The following HERC2 variants were observed in gnomAD, a reference collection of about 807,000 sequenced individuals.
The protein encoded by HERC2 is E3 ubiquitin-protein ligase HERC2.
HERC2 carries 102 observed loss-of-function variants against 537.7 expected under a neutral mutation model. That is an observed-to-expected ratio of 0.19 (90% confidence interval 0.16 to 0.22). The LOEUF (loss-of-function observed/expected upper bound fraction) is 0.22, where lower values mean the gene tolerates loss of function less well. Ranked by LOEUF, HERC2 falls within the 10% of genes least tolerant of loss-of-function variation. HERC2 has a pLI of 1.00. For synonymous variants in HERC2, 2,224 were observed against 2,466.2 expected (o/e 0.90, Z 2.91); for missense variants, 4,236 against 6,198.2 (o/e 0.68, Z 10.63).
intron 39 of HERC2, among the ~76,000 whole-genome samples, chr15:28,215,334 A>G (rs1327338384): frequency 6.6e-6 from 1 of 152,268 alleles, no homozygotes; most frequent in Admixed American, 6.5e-5. Context: ...TAATTTAAAA[A>G]GAATTATTTT....
rs1195449513 is a variant in HERC2 at position 28,212,557 on chromosome 15, G to A, written c.6813C>T (p.Asn2271=). 3 of 1,590,830 alleles carry A rather than the reference G, an allele frequency of 1.9e-6. No individual in the cohort carries two copies. The Admixed American group carries it at 5.0e-5, about 27-fold the overall frequency. ...KPLPAVAFNV[N]NLPFTEPMLS... Reference sequence around the variant, plus strand: ...GCATGGGCTCTGTGAAGGGCAGGTTGTTCACATTAAAGGCCACGGCAGGGA... The same window carrying A: ...GCATGGGCTCTGTGAAGGGCAGGTTATTCACATTAAAGGCCACGGCAGGGA... Residue 2271 remains asparagine (N), a synonymous_variant, in exon 43 of 93, where the codon AAC becomes AAT. Transcript: ENST00000261609.
intron 92 of HERC2, among the ~76,000 whole-genome samples, chr15:28,112,719 G>A (rs571516583): frequency 1.3e-5 from 2 of 152,184 alleles, no homozygotes; most frequent in East Asian, 1.9e-4. Flanking sequence ...TCAATCCAAC[G>A]AGCGGCCTCA....
In HERC2 at chr15:28,163,058, G is replaced by A. The variant is rs371488509; in HGVS notation, c.10746+36C>T. 54 of 1,556,322 alleles carry A rather than the reference G, an allele frequency of 3.5e-5. No individual in the cohort carries two copies. The African/African-American group carries it at 6.9e-4, about 20-fold the overall frequency. ...AGGAGGGTGGCCCAACATGGAGGAGGTGGAATCAGACGGCCCCGCCCTCCC... is the reference window on the plus strand; with the variant it reads ...AGGAGGGTGGCCCAACATGGAGGAGATGGAATCAGACGGCCCCGCCCTCCC... On this transcript the variant is annotated intron_variant, in intron 69 of 92. Transcript: ENST00000261609.
intron 7 of HERC2, 143 bp from the exon 8 acceptor site, chr15:28,273,147 TA>T: frequency 1.5e-6 from 1 of 667,986 alleles, no homozygotes; most frequent in Non-Finnish European, 2.7e-6. Context: ...TGATACTTGC[TA>T]CTCAAATTTA....
At position 28,163,211 on chromosome 15, in the gene HERC2, C is replaced by T. The variant is rs745706222; in HGVS notation, c.10629G>A (p.Ala3543=). The T allele has an allele frequency of 9.9e-6, 16 of 1,613,804 alleles. No homozygotes were observed. The highest frequency in any genetic ancestry group is 5.3e-5 in the African/African-American group (4 of 74,938). ...GGTCTACCACCACACGAGTGTCATCCGCAATCAGCAGACTGGTGAACTCAT... is the reference window on the plus strand; with the variant it reads ...GGTCTACCACCACACGAGTGTCATCTGCAATCAGCAGACTGGTGAACTCAT... The part of the protein sequence containing the change: ...ALDEFTSLLI[A]DDTRVVVDLL... The change falls in exon 69 of 93, where the codon GCG becomes GCA. Residue 3543 remains alanine (A), a synonymous_variant. Transcript: ENST00000261609.
At chr15:28,302,770 C>A (rs2076670455) in intron 2 of HERC2, among the ~76,000 whole-genome samples, 1 of 147,372 alleles carries the variant, frequency 6.8e-6, no homozygotes. Flanking sequence ...ATGTTGAGCA[C>A]CTGTTCGTAC....
chr15:28,144,129 G>A lies in HERC2; in HGVS notation c.11247C>T (p.Ile3749=), dbSNP rs1483449103. The A allele has an allele frequency of 1.2e-5, 20 of 1,614,174 alleles. No homozygotes were observed. The highest frequency in any genetic ancestry group is 6.7e-5 in the Admixed American group (4 of 60,028). ...FRLNLASNRS[I]VPRLAASLAA... is the part of the protein sequence containing the mutation. ...CCAGCGAGGCCGCAAGGCGAGGGAC[G>A]ATGCTTCTGTTAGAGGCAAGGTTGA... The change falls in exon 73 of 93, where the codon ATC becomes ATT. Residue 3749 remains isoleucine (I), a synonymous_variant. Transcript: ENST00000261609.
At chr15:28,195,035 A>G (rs1343462800) in intron 52 of HERC2, among the ~76,000 whole-genome samples, 38 of 149,630 alleles carry the variant, frequency 2.5e-4, no homozygotes, top group South Asian at 2.1e-4. Context: ...CAGCCTGGGC[A>G]ACAGAGTGAG....
At chr15:28,163,941 C>T (rs1470516017) in intron 68 of HERC2, among the ~76,000 whole-genome samples, 1 of 152,208 alleles carries the variant, frequency 6.6e-6, no homozygotes, top group Non-Finnish European at 1.5e-5. Context: ...CCCCCAGCTC[C>T]CACCCTATGG....
chr15:28,289,524 T>G (rs2076253448), intron 4 of HERC2, among the ~76,000 whole-genome samples: 1 of 152,184 alleles, frequency 6.6e-6, no homozygotes. Context: ...CTGCTCTTCA[T>G]GCCTCCCCAG....
Position 28,126,659 on chromosome 15 carries a change from G to A in HERC2, c.12803-1466C>T, listed in dbSNP as rs893942253. 3.9e-5 allele frequency among the ~76,000 whole-genome samples: 6 copies of A among 152,116 alleles called. No individual in the cohort carries two copies. The South Asian group carries it at 1.0e-3, about 26-fold the overall frequency. On this transcript the variant is annotated intron_variant, in intron 83 of 92. Transcript: ENST00000261609. ...AAAACCAAACCATATGTTCTCATGC[G>A]ATGAGGATGCAACGGCATAAGAATG...
At chr15:28,196,744 C>T (rs1897381043) in intron 50 of HERC2, among the ~76,000 whole-genome samples, 175 bp from the exon 51 acceptor site, 1 of 152,152 alleles carries the variant, frequency 6.6e-6, no homozygotes, top group African/African-American at 2.4e-5. Flanking sequence ...ATGATGTCAG[C>T]GCCTGGTTTC....
chr15:28,150,697 T>A, intron 70 of HERC2, among the ~76,000 whole-genome samples: 1 of 136,624 alleles, frequency 7.3e-6, no homozygotes, highest in South Asian at 2.4e-4. Context: ...CTAGTGAAAT[T>A]ACAGAAAAAA....
At chr15:28,294,462 G>T (rs1245452092) in intron 3 of HERC2, among the ~76,000 whole-genome samples, 1 of 149,658 alleles carries the variant, frequency 6.7e-6, no homozygotes, top group Non-Finnish European at 1.5e-5. Flanking sequence ...TTCTCGTGTG[G>T]CCTGAAATTA....
intron 35 of HERC2, among the ~76,000 whole-genome samples, chr15:28,225,473 G>A (rs556459027): frequency 4.6e-5 from 7 of 152,130 alleles, no homozygotes; most frequent in Admixed American, 2.0e-4. Flanking sequence ...TGAGGTGGGC[G>A]GATCGCGAGG....
At chr15:28,231,078 G>A (rs1037273988) in intron 30 of HERC2, among the ~76,000 whole-genome samples, 2 of 152,096 alleles carry the variant, frequency 1.3e-5, no homozygotes, top group African/African-American at 4.8e-5. Flanking sequence ...TTCTGTTACT[G>A]TGTAACTGAA....
At chr15:28,165,638 GA>G (rs796828104) in intron 68 of HERC2, among the ~76,000 whole-genome samples, 8,030 of 144,204 alleles carry the variant, frequency 0.056, 727 homozygotes, top group African/African-American at 0.19. Flanking sequence ...AAAAAAAAGA[GA>G]AAAAAAAAAA....
At chr15:28,168,621 A>G (rs1824679555) in intron 66 of HERC2, 31 bp from the exon 67 acceptor site, 23 of 1,597,454 alleles carry the variant, frequency 1.4e-5, no homozygotes, top group Non-Finnish European at 1.9e-5. Flanking sequence ...GCCTGTGGTG[A>G]GCTGCCCCTT....
intron 4 of HERC2, among the ~76,000 whole-genome samples, chr15:28,285,607 A>G (rs1596390743): frequency 2.0e-5 from 3 of 152,080 alleles, no homozygotes; most frequent in East Asian, 1.9e-4. Flanking sequence ...AAACAAATCA[A>G]TAATATAAGT....
Sources: gnomAD v4.1 joint callset for allele counts (sites outside exome capture counted in the v4.1 genomes callset) on GRCh38, gnomAD v4.1.1 for gene constraint, MANE v1.5 for transcripts, NCBI Gene and HGNC (gene_info 2026-07-23, HGNC 2026-07-21) for gene names.